SANBR: variants seen among roughly 807,000 people sequenced by gnomAD.
SANBR encodes SANT and BTB domain regulator of CSR, also known as SANT and BTB domain regulator of class switch recombination.
SANBR carries 77 observed loss-of-function variants against 101.8 expected under a neutral mutation model. The observed-to-expected ratio is 0.76, with a 90% CI of 0.63 to 0.91. SANBR has a LOEUF of 0.91. SANBR is among the 40% of genes least tolerant of loss of function. The probability of loss-of-function intolerance (pLI) is 0.00; values close to 1 mark genes in which losing one functional copy is unlikely to be tolerated. For missense variants in SANBR, 875 were observed against 853.0 expected, an observed-to-expected ratio of 1.03 and a Z score of -0.32; for synonymous variants, 279 against 274.7, an observed-to-expected ratio of 1.02 and a Z score of -0.15.
intron 14 of SANBR, 26 bp from the exon 15 acceptor site, chr2:61,108,291 A>G (rs1381690126): frequency 1.3e-6 from 2 of 1,501,002 alleles, no homozygotes; most frequent in African/African-American, 2.8e-5. Flanking sequence ...ATGCAGATTT[A>G]TTAATCTCTT....
chr2:61,128,349 G>C (rs1277403268), downstream of SANBR, among the ~76,000 whole-genome samples: 1 of 151,722 alleles, frequency 6.6e-6, no homozygotes, highest in Non-Finnish European at 1.5e-5. Context: ...AGACGCAGTG[G>C]AGAACAGAAG....
At chr2:61,089,236 C>T (rs1682613310) in intron 10 of SANBR, 2 of 974,626 alleles carry the variant, frequency 2.1e-6, no homozygotes, top group Middle Eastern at 5.3e-4. Flanking sequence ...GTAGGCCGGG[C>T]ACGGTGGCTC....
At chr2:61,067,480 G>A (rs1013711598) in intron 1 of SANBR, among the ~76,000 whole-genome samples, 1 of 152,208 alleles carries the variant, frequency 6.6e-6, no homozygotes, top group African/African-American at 2.4e-5. Flanking sequence ...GCTCACGCCT[G>A]TAATCCCAGC....
chr2:61,104,453 G>T (rs1683450614), intron 13 of SANBR, among the ~76,000 whole-genome samples: 1 of 149,728 alleles, frequency 6.7e-6, no homozygotes, highest in African/African-American at 2.5e-5. Flanking sequence ...CTGCACTCCA[G>T]CCTGGGTGAC....
At chr2:61,118,751 G>A (rs1412035162) in intron 20 of SANBR, among the ~76,000 whole-genome samples, 3 of 151,694 alleles carry the variant, frequency 2.0e-5, no homozygotes, top group African/African-American at 4.8e-5. Flanking sequence ...TAGTAGAGAC[G>A]GGGTTTCACC....
At chr2:61,077,233 A>G (rs1681839453) in intron 6 of SANBR, 75 bp downstream of exon 6, 13 of 1,033,054 alleles carry the variant, frequency 1.3e-5, no homozygotes. Flanking sequence ...CCAAAAGTGA[A>G]ATGTGGAAAA....
intron 20 of SANBR, among the ~76,000 whole-genome samples, chr2:61,133,093 A>C (rs1225846305): frequency 6.6e-6 from 1 of 152,212 alleles, no homozygotes; most frequent in Non-Finnish European, 1.5e-5. Flanking sequence ...CTCTACTAAA[A>C]GTACAAAAAT....
chr2:61,124,140 G>T lies in SANBR; in HGVS notation c.*1978G>T. 2 of 979,892 alleles carry T rather than the reference G, an allele frequency of 2.0e-6. No homozygotes were observed. The highest frequency in any genetic ancestry group is 2.4e-6 in the Non-Finnish European group (2 of 824,822). The allele number at this position is 979,892 out of a possible 1,614,324, so 60.7% of individuals were successfully genotyped here. On this transcript the variant is annotated 3_prime_UTR_variant, in exon 22 of 22. Coordinates refer to ENST00000402291, the MANE Select transcript of SANBR (RefSeq NM_001129993.3). ...TGTGTTTTTAATTTTGTTAATGTTTGTCTGTTATACATAGCACTGGTACCG... is the reference window on the plus strand; with the variant it reads ...TGTGTTTTTAATTTTGTTAATGTTTTTCTGTTATACATAGCACTGGTACCG...
chr2:61,100,557 C>T (rs7574718), intron 12 of SANBR, among the ~76,000 whole-genome samples: 6,607 of 152,204 alleles, frequency 0.043, 233 homozygotes, highest in African/African-American at 0.1. Flanking sequence ...GAGGACAGCT[C>T]CTCTATTATA....
Position 61,109,677 on chromosome 2 carries a change from G to GTTTT in SANBR, c.1744+384_1744+385insTTTT, listed in dbSNP as rs1363427197. ...TTAGTGGAAAGCATGTTTTTTTTGT[G>GTTTT]TTTGTTTTTTTTTTTTTTTTTTTGA... On this transcript the variant is annotated intron_variant, in intron 16 of 21. Coordinates refer to ENST00000402291, the MANE Select transcript of SANBR (RefSeq NM_001129993.3). Among the ~76,000 whole-genome samples the GTTTT allele has an allele frequency of 3.0e-4, 33 of 109,490 alleles. 3 individuals are homozygous for GTTTT. Among genetic ancestry groups the GTTTT allele is most frequent in the East Asian group, 5.2e-4 (2 of 3,830 alleles). 71.8% of individuals were successfully genotyped at this position (109,490 alleles called of 152,430 possible).
intron 16 of SANBR, among the ~76,000 whole-genome samples, chr2:61,113,279 T>A (rs1201741261): frequency 6.6e-6 from 1 of 152,226 alleles, no homozygotes; most frequent in Non-Finnish European, 1.5e-5. Context: ...CCAAAATTAT[T>A]CTTTAATTTT....
chr2:61,108,361 A>G lies in SANBR; in HGVS notation c.1644+12A>G. 6.5e-7 allele frequency: 1 copy of G among 1,534,466 alleles called. No homozygotes were observed. Among genetic ancestry groups the G allele is most frequent in the Non-Finnish European group, 8.9e-7 (1 of 1,123,022 alleles). On this transcript the variant is annotated intron_variant, in intron 15 of 21. Transcript: ENST00000402291. ...GGACTCTACAACTGGTAAGTGAGCAATTACAGTTAGCATTCATGGATCTCT... is the reference window on the plus strand; with the variant it reads ...GGACTCTACAACTGGTAAGTGAGCAGTTACAGTTAGCATTCATGGATCTCT...
At position 61,082,822 on chromosome 2, in the gene SANBR, A is replaced by G. The variant is rs192216850; in HGVS notation, c.730-332A>G. ...TGACAGAGCAAGACTCCATCTCAGA[A>G]AAAAAAAAGAAGTTTACATGTTCTG... On this transcript the variant is annotated intron_variant, in intron 7 of 21. Coordinates refer to ENST00000402291, the MANE Select transcript of SANBR (RefSeq NM_001129993.3). Among the ~76,000 whole-genome samples the G allele has an allele frequency of 1.9e-3, 292 of 151,936 alleles. 2 individuals are homozygous for G. The highest frequency in any genetic ancestry group is 6.7e-3 in the African/African-American group (277 of 41,452).
rs1683408865 is a variant in SANBR, at chr2:61,103,839, C to T, written c.1366-14C>T. On this transcript the variant is annotated splice_polypyrimidine_tract_variant and intron_variant, in intron 12 of 21. Transcript: ENST00000402291. ...AACAAACTAACCTCTAATTTATTGT[C>T]TCTTATGTGACAGGGCTGTAAAGTG... The T allele has an allele frequency of 1.9e-6, 3 of 1,612,380 alleles. No individual in the cohort carries two copies. Among genetic ancestry groups the T allele is most frequent in the South Asian group, 1.1e-5 (1 of 90,784 alleles).
At chr2:61,066,173 C>G (rs904058042) in intron 1 of SANBR, 146 bp downstream of exon 1, 1 of 153,258 alleles carries the variant, frequency 6.5e-6, no homozygotes, top group African/African-American at 2.4e-5. Context: ...CGAACGCCCC[C>G]GTGCACAGCC....
intron 16 of SANBR, among the ~76,000 whole-genome samples, chr2:61,113,435 A>G (rs924920390): frequency 5.3e-5 from 8 of 151,878 alleles, no homozygotes; most frequent in Non-Finnish European, 1.0e-4. Flanking sequence ...TTTTTTTCCA[A>G]TGGCAGTTCT....
intron 8 of SANBR, among the ~76,000 whole-genome samples, chr2:61,086,128 G>A (rs190146243): frequency 6.6e-6 from 1 of 151,966 alleles, no homozygotes; most frequent in Non-Finnish European, 1.5e-5. Flanking sequence ...ATGTCTTGTA[G>A]TTTTCAATGT....
rs184008435 is a variant in SANBR, at chr2:61,115,710, C to T, written c.1745-269C>T. On this transcript the variant is annotated intron_variant, in intron 16 of 21. Transcript: ENST00000402291. ...GAGATTGCAGTGAGCCGAGATCATGCCACTGCACTCCAGCATGGGTGACAG... is the reference window on the plus strand; with the variant it reads ...GAGATTGCAGTGAGCCGAGATCATGTCACTGCACTCCAGCATGGGTGACAG... 444 of 228,422 alleles carry T rather than the reference C, an allele frequency of 1.9e-3. 1 individual carries two copies. Among genetic ancestry groups the T allele is most frequent in the African/African-American group, 9.4e-3 (409 of 43,360 alleles). The allele number at this position is 228,422 out of a possible 1,614,324, so 14.1% of individuals were successfully genotyped here.
In SANBR at chr2:61,117,398, C is replaced by T. The variant is rs772477861; in HGVS notation, c.1865+13C>T. 30 of 1,613,420 alleles carry T rather than the reference C, an allele frequency of 1.9e-5. No individual in the cohort carries two copies. Among genetic ancestry groups the T allele is most frequent in the Non-Finnish European group, 2.3e-5 (27 of 1,179,622 alleles). The stretch of plus-strand genomic sequence containing the variant: ...TGTCTCCTTTCGTGTGAGTATTGCT[C>T]CTTAATCCAATCGGATATCCACTCT... On this transcript the variant is annotated intron_variant, in intron 18 of 21. Coordinates refer to ENST00000402291, the MANE Select transcript of SANBR (RefSeq NM_001129993.3).
Sources: gnomAD v4.1 joint callset for allele counts (sites outside exome capture counted in the v4.1 genomes callset) on GRCh38, gnomAD v4.1.1 for gene constraint, MANE v1.5 for transcripts, NCBI Gene and HGNC (gene_info 2026-07-23, HGNC 2026-07-21) for gene names.